Variants in TTC7B observed in about 807,000 individuals in gnomAD.
TTC7B encodes tetratricopeptide repeat domain 7B.
Under a neutral mutation model 106.8 loss-of-function variants are expected in TTC7B, and 28 were observed. The ratio of observed to expected loss-of-function variants is 0.26; its 90% CI spans 0.19 to 0.36. The LOEUF is 0.36. TTC7B is among the 10% of genes least tolerant of loss of function. TTC7B has a pLI of 1.00. For missense variants in TTC7B, 862 were observed against 1,076.4 expected, an observed-to-expected ratio of 0.80 and a Z score of 2.79; for synonymous variants, 405 against 430.6, an observed-to-expected ratio of 0.94 and a Z score of 0.74.
chr14:90,558,093 T>C (rs1286400268), intron 19 of TTC7B, among the ~76,000 whole-genome samples: 1 of 152,230 alleles, frequency 6.6e-6, no homozygotes, highest in African/African-American at 2.4e-5. Context: ...GGGGTATTAT[T>C]TCCCAGCTGT....
chr14:90,563,403 T>C (rs975879259), intron 19 of TTC7B, among the ~76,000 whole-genome samples: 1 of 152,190 alleles, frequency 6.6e-6, no homozygotes, highest in Non-Finnish European at 1.5e-5. Context: ...GTAATACCAT[T>C]ATACCTAAAA....
chr14:90,718,275 G>A (rs1463806315), intron 5 of TTC7B, among the ~76,000 whole-genome samples: 1 of 152,218 alleles, frequency 6.6e-6, no homozygotes, highest in Non-Finnish European at 1.5e-5. Context: ...GTGTGGGTTA[G>A]GCACCCTCCT....
At chr14:90,618,363 T>C (rs1169267878) in intron 15 of TTC7B, among the ~76,000 whole-genome samples, 3 of 152,238 alleles carry the variant, frequency 2.0e-5, no homozygotes, top group East Asian at 3.8e-4. Flanking sequence ...ACCAATTTAT[T>C]TGTGAAACCT....
chr14:90,718,856 C>T (rs1367598595), intron 5 of TTC7B, among the ~76,000 whole-genome samples: 3 of 76,998 alleles, frequency 3.9e-5, no homozygotes, highest in Admixed American at 1.2e-4. Context: ...AAAATTCCTG[C>T]CCAAGTGGAA....
At position 90,564,861 on chromosome 14, in the gene TTC7B, T is replaced by C. The variant is rs536078453; in HGVS notation, c.2310+13245A>G. ...GGGAGTTCAAGGCTGCAGTGAGCTA[T>C]GACTGCGCTGCTGCACTCCAGCTTG... On this transcript the variant is annotated intron_variant, in intron 19 of 19. Coordinates refer to ENST00000328459, the MANE Select transcript of TTC7B (RefSeq NM_001010854.2). 3.0e-4 allele frequency among the ~76,000 whole-genome samples: 45 copies of C among 152,332 alleles called. 1 individual carries two copies. In the East Asian group the frequency reaches 7.5e-3, roughly 25 times the overall value.
chr14:90,660,647 G>A lies in TTC7B; in HGVS notation c.1153-2260C>T, dbSNP rs141942799. On this transcript the variant is annotated intron_variant, in intron 9 of 19. Coordinates refer to ENST00000328459, the MANE Select transcript of TTC7B (RefSeq NM_001010854.2). ...AAATGATGGGATGTTCAGGATTCAC[G>A]GACAGTGAAGGAAGGAGGGCAAGGA... is the stretch of plus-strand genomic sequence containing the variant. Among the ~76,000 whole-genome samples, 954 of 152,094 alleles carry A rather than the reference G, an allele frequency of 6.3e-3. 9 individuals are homozygous for A. Among genetic ancestry groups the A allele is most frequent in the Middle Eastern group, 0.024 (7 of 294 alleles).
intron 3 of TTC7B, among the ~76,000 whole-genome samples, chr14:90,767,479 G>A (rs1032243803): frequency 2.6e-5 from 4 of 152,162 alleles, no homozygotes; most frequent in African/African-American, 9.7e-5. Flanking sequence ...AGTGATTAAT[G>A]CCATTATCTT....
chr14:90,785,996 G>A (rs1195563647), intron 2 of TTC7B, among the ~76,000 whole-genome samples, 178 bp downstream of exon 2: 1 of 152,164 alleles, frequency 6.6e-6, no homozygotes, highest in Non-Finnish European at 1.5e-5. Context: ...CCCCCACAGT[G>A]GTCAGCCAGC....
chr14:90,541,456 G>T lies in TTC7B; in HGVS notation c.2444C>A (p.Ala815Glu), dbSNP rs569549056. ...TGTCAGGAAGCACTCCGTAGCCGCC[G>T]CATCGTTGCCCTGAGCTTGGAGGAC... ...GEVLQAQGND[A>E]AATECFLTAL... The change falls in exon 20 of 20, where the codon GCG becomes GAG. Residue 815 changes from alanine to glutamate, a missense_variant. By Grantham distance (107) the Ala-to-Glu change is moderately radical. Transcript: ENST00000328459. 4.3e-6 allele frequency: 7 copies of T among 1,613,840 alleles called. No homozygotes were observed. In the East Asian group the frequency reaches 1.1e-4, roughly 26 times the overall value.
chr14:90,626,670 C>G (rs886657462), intron 15 of TTC7B, among the ~76,000 whole-genome samples: 1 of 152,226 alleles, frequency 6.6e-6, no homozygotes, highest in African/African-American at 2.4e-5. Context: ...GTGCACTGGC[C>G]TGACACAACC....
At chr14:90,590,318 G>A (rs977487358) in intron 18 of TTC7B, among the ~76,000 whole-genome samples, 1 of 152,144 alleles carries the variant, frequency 6.6e-6, no homozygotes, top group Non-Finnish European at 1.5e-5. Flanking sequence ...GGGACCCTCT[G>A]CTACAATAGA....
In TTC7B at chr14:90,816,160, G is replaced by T; in HGVS notation, c.121+15C>A. 8.3e-7 allele frequency: 1 copy of T among 1,211,702 alleles called. No homozygotes were observed. The highest frequency in any genetic ancestry group is 1.1e-6 in the Non-Finnish European group (1 of 944,920). The allele number at this position is 1,211,702 out of a possible 1,614,324, so 75.1% of individuals were successfully genotyped here. A position where few individuals can be genotyped will look rare whatever the true frequency, so the allele number is the denominator to read the frequency against. ...GGCGCCCCCCGCAGCCCAGGCCGGC[G>T]CGCCCGGAGCGTACCGTTGGCGATG... On this transcript the variant is annotated intron_variant, in intron 1 of 19. Coordinates refer to ENST00000328459, the MANE Select transcript of TTC7B (RefSeq NM_001010854.2).
chr14:90,573,619 C>T (rs1402556596), intron 19 of TTC7B, among the ~76,000 whole-genome samples: 4 of 150,542 alleles, frequency 2.7e-5, no homozygotes, highest in African/African-American at 7.3e-5. Context: ...CACGGTCCCT[C>T]TCTGGCTCAT....
Position 90,600,038 on chromosome 14 carries a change from G to A in TTC7B, c.1967-6412C>T, listed in dbSNP as rs928545350. Reference sequence around the variant, plus strand: ...CCTTCTGTCTCTGTGTGTCACCTGTGCTTGAAGAACCAGAATGTCCTGGGG... The same window carrying A: ...CCTTCTGTCTCTGTGTGTCACCTGTACTTGAAGAACCAGAATGTCCTGGGG... On this transcript the variant is annotated intron_variant, in intron 17 of 19. Coordinates refer to ENST00000328459, the MANE Select transcript of TTC7B (RefSeq NM_001010854.2). The surrounding 1 kb of genome is among the most constrained non-coding windows in gnomAD (Gnocchi z 4.3). 6.6e-6 allele frequency among the ~76,000 whole-genome samples: 1 copy of A among 152,136 alleles called. No homozygotes were observed. Among genetic ancestry groups the A allele is most frequent in the Non-Finnish European group, 1.5e-5 (1 of 68,038 alleles).
At chr14:90,602,591 C>T (rs1892470527) in intron 17 of TTC7B, among the ~76,000 whole-genome samples, 1 of 151,968 alleles carries the variant, frequency 6.6e-6, no homozygotes, top group Non-Finnish European at 1.5e-5. Flanking sequence ...GTCCCAGCTG[C>T]TCAAGAGGCC....
intron 5 of TTC7B, among the ~76,000 whole-genome samples, chr14:90,727,147 G>A (rs1038290191): frequency 1.3e-5 from 2 of 152,206 alleles, no homozygotes; most frequent in African/African-American, 4.8e-5. Flanking sequence ...GTGACGCGCT[G>A]TAGATGAGAC....
intron 4 of TTC7B, among the ~76,000 whole-genome samples, chr14:90,740,602 T>C (rs573064647): frequency 1.4e-5 from 2 of 143,758 alleles, no homozygotes; most frequent in African/African-American, 2.5e-5. Flanking sequence ...CCCAGGTTCA[T>C]GCGATTCTCC....
rs1194920356 is a variant in TTC7B, at chr14:90,685,720, C to T, written c.950+3820G>A. Among the ~76,000 whole-genome samples, 26 of 151,982 alleles carry T rather than the reference C, an allele frequency of 1.7e-4. 1 individual carries two copies. Among genetic ancestry groups the T allele is most frequent in the South Asian group, 2.1e-4 (1 of 4,818 alleles). ...TAAAGGAATGCTATGAACAACTGTA[C>T]GGAAGCAACTTAGGTAATTTACATG... On this transcript the variant is annotated intron_variant, in intron 7 of 19. Coordinates refer to ENST00000328459, the MANE Select transcript of TTC7B (RefSeq NM_001010854.2).
intron 9 of TTC7B, among the ~76,000 whole-genome samples, chr14:90,664,248 A>AAATGT (rs1886321395): frequency 6.6e-6 from 1 of 152,146 alleles, no homozygotes; most frequent in Admixed American, 6.5e-5. Context: ...ATAAAATAAA[A>AAATGT]GCATTCACAT....
Sources: gnomAD v4.1 joint callset for allele counts (sites outside exome capture counted in the v4.1 genomes callset) on GRCh38, gnomAD v4.1.1 for gene constraint, Gnocchi (gnomAD v3.1) non-coding constraint, MANE v1.5 for transcripts, NCBI Gene and HGNC (gene_info 2026-07-23, HGNC 2026-07-21) for gene names.